NIBAN2: variants seen among roughly 807,000 people sequenced by gnomAD.
NIBAN2 encodes protein Niban 2.
A neutral mutation model predicts 81.8 loss-of-function variants in NIBAN2; 36 were observed. The ratio of observed to expected loss-of-function variants is 0.44; its 90% CI spans 0.34 to 0.58. The LOEUF is 0.58. NIBAN2 is among the 20% of genes least tolerant of loss of function. The pLI is 0.02. For synonymous variants in NIBAN2, 445 were observed against 441.6 expected, an observed-to-expected ratio of 1.01 and a Z score of -0.10; for missense variants, 897 against 1,014.1, an observed-to-expected ratio of 0.88 and a Z score of 1.57.
intron 1 of NIBAN2, among the ~76,000 whole-genome samples, chr9:127,567,507 T>C (rs7048290): frequency 0.071 from 10,845 of 152,276 alleles, 489 homozygotes; most frequent in Middle Eastern, 0.16. Context: ...ACTCTGGCCT[T>C]GGGACTTGGC....
intron 1 of NIBAN2, among the ~76,000 whole-genome samples, chr9:127,538,591 C>A (rs1837321245): frequency 6.7e-6 from 1 of 148,216 alleles, no homozygotes; most frequent in Admixed American, 6.8e-5. Flanking sequence ...CGCGCCACTG[C>A]ATTCCAACCT....
At chr9:127,569,180 C>T, upstream of NIBAN2, 1 of 704,000 alleles carries the variant, frequency 1.4e-6, no homozygotes, top group Non-Finnish European at 1.7e-6. Context: ...GCCCTGCGCC[C>T]GCCGCGTCCC....
At position 127,508,795 on chromosome 9, in the gene NIBAN2, A is replaced by T. The variant is rs534353136; in HGVS notation, c.1317+181T>A. Among the ~76,000 whole-genome samples the T allele has an allele frequency of 3.0e-4, 45 of 151,954 alleles. 1 individual carries two copies. In the South Asian group the frequency reaches 9.2e-3, roughly 31 times the overall value. On this transcript the variant is annotated intron_variant, in intron 10 of 13. Coordinates refer to ENST00000373312, the MANE Select transcript of NIBAN2 (RefSeq NM_022833.4). The surrounding 1 kb of genome is among the most constrained non-coding windows in gnomAD (Gnocchi z 6.4). ...AGGGGTCTCTAAGCTGAGACCTGGG[A>T]AGTGAGTCAGAATTAGCCAGGTGGG...
rs1837455280 is a variant in NIBAN2 at position 127,545,520 on chromosome 9, G to A, written c.56-13742C>T. 2.0e-5 allele frequency among the ~76,000 whole-genome samples: 3 copies of A among 152,222 alleles called. No individual in the cohort carries two copies. In the South Asian group the frequency reaches 6.2e-4, roughly 31 times the overall value. ...CATGGTGGGCAGGGACTCAGTCTGA[G>A]GGCACAGGCCGTCTGGGTCTCATCA... On this transcript the variant is annotated intron_variant, in intron 1 of 13. Coordinates refer to ENST00000373312, the MANE Select transcript of NIBAN2 (RefSeq NM_022833.4). The surrounding 1 kb of genome is among the most constrained non-coding windows in gnomAD (Gnocchi z 4.7).
At chr9:127,523,948 A>AG in intron 4 of NIBAN2, 102 bp from the exon 5 acceptor site, 1 of 1,331,638 alleles carries the variant, frequency 7.5e-7, no homozygotes, top group South Asian at 1.3e-5. Context: ...GGTCAGGCTC[A>AG]GGCCCAGAGA....
rs1320241026 is a variant in NIBAN2 at position 127,527,335 on chromosome 9, GC to G, written c.187-14del. 6.2e-7 allele frequency: 1 copy of G among 1,611,994 alleles called. No individual in the cohort carries two copies. The highest frequency in any genetic ancestry group is 1.3e-5 in the African/African-American group (1 of 75,002). On this transcript the variant is annotated splice_polypyrimidine_tract_variant and intron_variant, in intron 2 of 13. Coordinates refer to ENST00000373312, the MANE Select transcript of NIBAN2 (RefSeq NM_022833.4). ...CGTCCAGTGGCACCTGTGGGCAGGA[GC>G]GGGTGGGGAGTGAGGCCCAGGTCTG...
At chr9:127,575,416 C>CG (rs1238335606) in intron 1 of NIBAN2, among the ~76,000 whole-genome samples, 1 of 151,538 alleles carries the variant, frequency 6.6e-6, no homozygotes, top group Non-Finnish European at 1.5e-5. Context: ...TTAGTAGAGA[C>CG]GGGGTTTTAC....
intron 1 of NIBAN2, among the ~76,000 whole-genome samples, chr9:127,556,941 G>C (rs979173418): frequency 1.4e-4 from 21 of 152,194 alleles, no homozygotes; most frequent in African/African-American, 4.8e-4. Flanking sequence ...GCCCCATGTG[G>C]TGGTGCACAC....
At position 127,527,302 on chromosome 9, in the gene NIBAN2, G is replaced by A. The variant is rs371410127; in HGVS notation, c.207C>T (p.Ile69=). ...LWRKVPLDER[I]VFSGNLFQHQ... is the part of the protein sequence containing the mutation. Reference sequence around the variant, plus strand: ...GCTGGAAGAGGTTCCCCGAGAAGACGATGCGCTCGTCCAGTGGCACCTGTG... The same window carrying A: ...GCTGGAAGAGGTTCCCCGAGAAGACAATGCGCTCGTCCAGTGGCACCTGTG... Residue 69 remains isoleucine, a synonymous_variant, in exon 3 of 14, where the codon ATC becomes ATT. Coordinates refer to ENST00000373312, the MANE Select transcript of NIBAN2 (RefSeq NM_022833.4). 119 of 1,613,480 alleles carry A rather than the reference G, an allele frequency of 7.4e-5. 1 individual carries two copies. The highest frequency in any genetic ancestry group is 8.6e-5 in the Non-Finnish European group (102 of 1,179,912).
chr9:127,517,041 T>A lies in NIBAN2; in HGVS notation c.811-22A>T, dbSNP rs769548350. 8 of 1,611,874 alleles carry A rather than the reference T, an allele frequency of 5.0e-6. No homozygotes were observed. Among genetic ancestry groups the A allele is most frequent in the Non-Finnish European group, 6.8e-6 (8 of 1,178,494 alleles). ...AGATCTGTGGGCAGAGCAGCTGAAT[T>A]GGCACCAGGGCTGAGGGCACCGCAC... On this transcript the variant is annotated intron_variant, in intron 7 of 13. Transcript: ENST00000373312. The surrounding 1 kb of genome is among the most constrained non-coding windows in gnomAD (Gnocchi z 4.0).
At chr9:127,570,960 C>T (rs1242184709), upstream of NIBAN2, among the ~76,000 whole-genome samples, 1 of 152,274 alleles carries the variant, frequency 6.6e-6, no homozygotes, top group Non-Finnish European at 1.5e-5. Flanking sequence ...CACCCAGTGT[C>T]TGATTCTCTC....
rs751937125 is a variant in NIBAN2 at position 127,565,946 on chromosome 9, T to TCTCTCACACACACA, written c.55+2873_55+2874insTGTGTGTGTGAGAG. 8.8e-4 allele frequency among the ~76,000 whole-genome samples: 115 copies of TCTCTCACACACACA among 130,618 alleles called. 1 individual carries two copies. Among genetic ancestry groups the TCTCTCACACACACA allele is most frequent in the African/African-American group, 3.7e-3 (114 of 31,100 alleles). The allele number at this position is 130,618 out of a possible 152,430, so 85.7% of individuals were successfully genotyped here. On this transcript the variant is annotated intron_variant, in intron 1 of 13. Transcript: ENST00000373312. Reference sequence around the variant, plus strand: ...GAGACCCTGTCTCTCTCTCTCTCTCTCACACACACACACACACACACACAC... The same window carrying TCTCTCACACACACA: ...GAGACCCTGTCTCTCTCTCTCTCTCTCTCTCACACACACACACACACACACACACACACACACAC...
intron 1 of NIBAN2, among the ~76,000 whole-genome samples, chr9:127,554,027 CTT>C (rs2132225379): frequency 6.6e-6 from 1 of 152,306 alleles, no homozygotes; most frequent in South Asian, 2.1e-4. Flanking sequence ...GAGAGAGACT[CTT>C]TATTTGTGGA....
chr9:127,546,654 C>T (rs901470565), intron 1 of NIBAN2, among the ~76,000 whole-genome samples: 45 of 152,158 alleles, frequency 3.0e-4, no homozygotes, highest in African/African-American at 1.1e-3. Flanking sequence ...TCAGCCAGCG[C>T]GGGCCAAGCC....
chr9:127,544,848 G>A (rs1429367530), intron 1 of NIBAN2, among the ~76,000 whole-genome samples: 1 of 152,196 alleles, frequency 6.6e-6, no homozygotes. Flanking sequence ...TCCCTGCCAT[G>A]GCACATTCCC....
intron 3 of NIBAN2, among the ~76,000 whole-genome samples, chr9:127,525,609 TG>T (rs1837048791): frequency 6.6e-6 from 1 of 152,184 alleles, no homozygotes; most frequent in African/African-American, 2.4e-5. Context: ...TCAGCGAGCT[TG>T]GCCGAGGTTG....
intron 8 of NIBAN2, among the ~76,000 whole-genome samples, chr9:127,511,205 C>G (rs982880777): frequency 6.9e-6 from 1 of 145,310 alleles, no homozygotes; most frequent in African/African-American, 2.5e-5. Flanking sequence ...CCACCATGCC[C>G]GGTGATTTTT....
chr9:127,550,212 A>G (rs1415521071), intron 1 of NIBAN2, among the ~76,000 whole-genome samples: 1 of 152,072 alleles, frequency 6.6e-6, no homozygotes, highest in Non-Finnish European at 1.5e-5. Context: ...CCGTGAAGGG[A>G]CTGGACACCA....
chr9:127,548,055 TCAG>T (rs1462299911), intron 1 of NIBAN2, among the ~76,000 whole-genome samples: 1 of 152,080 alleles, frequency 6.6e-6, no homozygotes, highest in East Asian at 1.9e-4. Context: ...GCATCTCTCA[TCAG>T]TGCTCATGGC....
Sources: gnomAD v4.1 joint callset for allele counts (sites outside exome capture counted in the v4.1 genomes callset) on GRCh38, gnomAD v4.1.1 for gene constraint, Gnocchi (gnomAD v3.1) non-coding constraint, MANE v1.5 for transcripts, NCBI Gene and HGNC (gene_info 2026-07-23, HGNC 2026-07-21) for gene names.